TNKS: variants seen among roughly 807,000 people sequenced by gnomAD.
TNKS encodes poly [ADP-ribose] polymerase tankyrase-1.
In TNKS, 72 loss-of-function variants were observed where a neutral mutation model predicts 135.8. The observed-to-expected ratio is 0.53, with a 90% CI of 0.44 to 0.64. TNKS has a LOEUF of 0.64. TNKS is among the 30% of genes least tolerant of loss of function. TNKS has a pLI of 0.00. For synonymous variants in TNKS, 849 were observed against 649.3 expected (o/e 1.31, Z -4.68); for missense variants, 1,769 against 1,674.0 (o/e 1.06, Z -0.99).
chr8:9,680,124 T>G (rs1802722609), intron 4 of TNKS, 137 bp downstream of exon 4: 1 of 619,132 alleles, frequency 1.6e-6, no homozygotes, highest in Non-Finnish European at 2.9e-6. Context: ...TAAATCTTTA[T>G]GTACTTTATA....
intron 2 of TNKS, among the ~76,000 whole-genome samples, chr8:9,596,293 T>C (rs947987106): frequency 5.3e-5 from 8 of 152,144 alleles, no homozygotes; most frequent in African/African-American, 1.9e-4. Flanking sequence ...TTATTAGAAG[T>C]ATGGCTTCCC....
chr8:9,702,306 C>T (rs889797336), intron 5 of TNKS, among the ~76,000 whole-genome samples: 12 of 151,220 alleles, frequency 7.9e-5, no homozygotes, highest in African/African-American at 9.8e-5. Context: ...CATGCGTGTG[C>T]GTGCACACAC....
At chr8:9,744,044 G>A (rs1048155706) in intron 17 of TNKS, among the ~76,000 whole-genome samples, 3 of 152,098 alleles carry the variant, frequency 2.0e-5, no homozygotes, top group African/African-American at 7.2e-5. Context: ...AATCTGCTCT[G>A]TGTGTGTCTT....
rs34346955 is a variant in TNKS, at chr8:9,765,542, G to C, written c.3448-150G>C. 8.6e-3 allele frequency: 5,549 copies of C among 645,004 alleles called. 54 individuals carry two copies. The highest frequency in any genetic ancestry group is 0.036 in the African/African-American group (1,947 of 54,662). The allele number at this position is 645,004 out of a possible 1,614,324, so 40.0% of individuals were successfully genotyped here. A position where few individuals can be genotyped will look rare whatever the true frequency, so the allele number is the denominator to read the frequency against. On this transcript the variant is annotated intron_variant, in intron 23 of 26. Transcript: ENST00000310430. The stretch of plus-strand genomic sequence containing the variant: ...GTCACTAACAGCTAGAGTATTTTCT[G>C]AATTACACTGACATGGTAGCTTTAT...
chr8:9,562,838 G>T (rs1373143508), intron 1 of TNKS, among the ~76,000 whole-genome samples: 2 of 151,164 alleles, frequency 1.3e-5, no homozygotes, highest in African/African-American at 2.4e-5. Flanking sequence ...TTCTAGATGG[G>T]CAAAGGATTT....
At chr8:9,657,243 CG>C (rs1313602129) in intron 3 of TNKS, among the ~76,000 whole-genome samples, 2 of 121,406 alleles carry the variant, frequency 1.6e-5, no homozygotes, top group Admixed American at 7.8e-5. Flanking sequence ...GCTGGCCGGG[CG>C]GGGGGCCGAC....
intron 3 of TNKS, among the ~76,000 whole-genome samples, chr8:9,659,584 C>T (rs1056939606): frequency 6.6e-6 from 1 of 152,056 alleles, no homozygotes; most frequent in African/African-American, 2.4e-5. Flanking sequence ...ACACTCAAAG[C>T]AGTGTGTAGA....
Position 9,707,775 on chromosome 8 carries a change from C to T in TNKS, c.1457-596C>T, listed in dbSNP as rs1277231341. Among the ~76,000 whole-genome samples, 12 of 152,246 alleles carry T rather than the reference C, an allele frequency of 7.9e-5. 1 individual carries two copies. The highest frequency in any genetic ancestry group is 2.9e-4 in the African/African-American group (12 of 41,550). On this transcript the variant is annotated intron_variant, in intron 8 of 26. Transcript: ENST00000310430. The stretch of plus-strand genomic sequence containing the variant: ...TATTAATTGTTCTTTGAAAAATTTT[C>T]AAGCTCTGCATTTCTCCCATATTTT...
Position 9,763,225 on chromosome 8 carries a change from A to ATCAG in TNKS, c.3359_3362dup (p.Glu1122SerfsTer17). 6.2e-7 allele frequency: 1 copy of ATCAG among 1,608,106 alleles called. No homozygotes were observed. The highest frequency in any genetic ancestry group is 8.5e-7 in the Non-Finnish European group (1 of 1,175,464). ...GATCTTGCTCCAGAAGATAAAGAAT[A>ATCAG]TCAGTCAGTGGAAGAAGAGGTAATA... On this transcript the variant is annotated frameshift_variant, in exon 22 of 27. Coordinates refer to ENST00000310430, the MANE Select transcript of TNKS (RefSeq NM_003747.3). LOFTEE classifies it high-confidence loss of function.
At chr8:9,720,277 A>G in intron 11 of TNKS, 97 bp from the exon 12 acceptor site, 1 of 1,140,736 alleles carries the variant, frequency 8.8e-7, no homozygotes, top group Non-Finnish European at 1.2e-6. Context: ...AAAAGCTTTG[A>G]AAGTTGATTT....
chr8:9,709,566 A>G (rs1804214811), intron 9 of TNKS, among the ~76,000 whole-genome samples: 3 of 152,184 alleles, frequency 2.0e-5, no homozygotes, highest in African/African-American at 7.2e-5. Context: ...CCTCTGTAGA[A>G]GAGCTTAGAA....
intron 14 of TNKS, 150 bp downstream of exon 14, chr8:9,731,185 C>T: frequency 2.8e-6 from 3 of 1,063,522 alleles, no homozygotes; most frequent in South Asian, 2.0e-5. Flanking sequence ...ATGTGCCAGG[C>T]ATGGTGGCTC....
intron 21 of TNKS, 34 bp from the exon 22 acceptor site, chr8:9,763,113 T>A (rs760169886): frequency 1.6e-6 from 2 of 1,264,106 alleles, no homozygotes; most frequent in Non-Finnish European, 2.3e-6. Context: ...TAGTGTAGAC[T>A]TTTGTTTTAT....
rs1808310933 is a variant in TNKS at position 9,778,181 on chromosome 8, C to T, written c.*1445C>T. 6.6e-6 allele frequency: 1 copy of T among 152,540 alleles called. No individual in the cohort carries two copies. 9.4% of individuals were successfully genotyped at this position (152,540 alleles called of 1,614,324 possible). A position where few individuals can be genotyped will look rare whatever the true frequency, so the allele number is the denominator to read the frequency against. ...ATCCTTTATAGTTCTTACACTTGCC[C>T]TTTTCACCTTAACTGAATATGAATT... On this transcript the variant is annotated 3_prime_UTR_variant, in exon 27 of 27. Coordinates refer to ENST00000310430, the MANE Select transcript of TNKS (RefSeq NM_003747.3).
intron 3 of TNKS, among the ~76,000 whole-genome samples, chr8:9,665,249 G>A (rs1801933016): frequency 1.3e-5 from 2 of 152,174 alleles, no homozygotes; most frequent in African/African-American, 4.8e-5. Context: ...GGGCTAGTCT[G>A]GAGTCAGTTT....
chr8:9,598,589 G>A (rs1339064418), intron 2 of TNKS, among the ~76,000 whole-genome samples: 1 of 150,770 alleles, frequency 6.6e-6, no homozygotes, highest in Non-Finnish European at 1.5e-5. Flanking sequence ...CTAGCTACTC[G>A]GGAGGCTGAG....
At chr8:9,729,299 G>A (rs1015077683) in intron 13 of TNKS, among the ~76,000 whole-genome samples, 10 of 152,220 alleles carry the variant, frequency 6.6e-5, no homozygotes, top group African/African-American at 2.2e-4. Context: ...CATTCAACCC[G>A]TAGCACTCCT....
rs1261240897 is a variant in TNKS at position 9,782,275 on chromosome 8, T to C, written c.*5539T>C. 6.5e-6 allele frequency: 1 copy of C among 152,680 alleles called. No individual in the cohort carries two copies. Among genetic ancestry groups the C allele is most frequent in the Non-Finnish European group, 1.5e-5 (1 of 68,054 alleles). 9.5% of individuals were successfully genotyped at this position (152,680 alleles called of 1,614,324 possible). ...TTTGTGATTATATTTAACCTGCAAT[T>C]GTGCTTTGGCTTAATGTCTAGCTCA... is the stretch of plus-strand genomic sequence containing the variant. On this transcript the variant is annotated 3_prime_UTR_variant, in exon 27 of 27. Coordinates refer to ENST00000310430, the MANE Select transcript of TNKS (RefSeq NM_003747.3).
At chr8:9,661,929 A>G (rs1389794677) in intron 3 of TNKS, among the ~76,000 whole-genome samples, 1 of 152,364 alleles carries the variant, frequency 6.6e-6, no homozygotes. Context: ...GGCAAAGGGT[A>G]TGAACAGACA....
Sources: allele counts gnomAD v4.1 joint callset (sites outside exome capture counted in the v4.1 genomes callset), GRCh38; gene constraint gnomAD v4.1.1; transcripts MANE v1.5; gene names NCBI Gene and HGNC (gene_info 2026-07-23, HGNC 2026-07-21).